The following AXDND1 variants were observed in gnomAD, a reference collection of about 807,000 sequenced individuals.
AXDND1 encodes axonemal dynein light chain domain containing 1.
Under a neutral mutation model 137.5 loss-of-function variants are expected in AXDND1, and 110 were observed. The observed-to-expected ratio is 0.80, with a 90% CI of 0.69 to 0.94. AXDND1 has a LOEUF of 0.94. AXDND1 is among the 40% of genes least tolerant of loss of function. The probability of loss-of-function intolerance (pLI) is 0.00; values close to 1 mark genes in which losing one functional copy is unlikely to be tolerated. For missense variants in AXDND1, 1,191 were observed against 1,169.8 expected, an observed-to-expected ratio of 1.02 and a Z score of -0.26; for synonymous variants, 414 against 399.7, an observed-to-expected ratio of 1.04 and a Z score of -0.43.
chr1:179,442,095 A>T (rs1330351199), intron 15 of AXDND1, among the ~76,000 whole-genome samples: 2 of 152,208 alleles, frequency 1.3e-5, no homozygotes, highest in African/African-American at 2.4e-5. Context: ...TTACGGAACT[A>T]GGAAAAGCAC....
chr1:179,544,686 A>AG (rs1553310379), intron 25 of AXDND1: 3 of 150,464 alleles, frequency 2.0e-5, no homozygotes, highest in African/African-American at 7.3e-5. Context: ...AAAAAAAAAA[A>AG]AAAGAAAAAG....
At position 179,411,089 on chromosome 1, in the gene AXDND1, A is replaced by C. The variant is rs930480124; in HGVS notation, c.1110-57A>C. On this transcript the variant is annotated intron_variant, in intron 11 of 25. Coordinates refer to ENST00000367618, the MANE Select transcript of AXDND1 (RefSeq NM_144696.6). Reference sequence around the variant, plus strand: ...AACAAATTTCTTTTTTAAAAAATATATGTGTCTATATTGTTAGTATAAATT... The same window carrying C: ...AACAAATTTCTTTTTTAAAAAATATCTGTGTCTATATTGTTAGTATAAATT... 7.5e-6 allele frequency: 10 copies of C among 1,336,710 alleles called. No individual in the cohort carries two copies. In the Admixed American group the frequency reaches 2.0e-4, roughly 27 times the overall value. The allele number at this position is 1,336,710 out of a possible 1,614,324, so 82.8% of individuals were successfully genotyped here.
intron 25 of AXDND1, among the ~76,000 whole-genome samples, chr1:179,537,999 T>A (rs1233008086): frequency 1.3e-5 from 2 of 152,240 alleles, no homozygotes; most frequent in African/African-American, 2.4e-5. Context: ...TATAGTATTG[T>A]CTGATGGTAG....
At chr1:179,488,651 CTTTCTTTCTTTCTTTCTTTCTTT>C (rs1666430037) in intron 18 of AXDND1, among the ~76,000 whole-genome samples, 1 of 107,838 alleles carries the variant, frequency 9.3e-6, no homozygotes, top group Admixed American at 9.8e-5. Flanking sequence ...TTCTTTCTTT[CTTTCTTTCTTTCTTTCTTTCTTT>C]CTTTCTTTCT....
intron 15 of AXDND1, among the ~76,000 whole-genome samples, chr1:179,442,962 A>T (rs6664339): frequency 2.0e-5 from 3 of 151,998 alleles, no homozygotes; most frequent in African/African-American, 7.3e-5. Context: ...ACAGCGCTCC[A>T]TATGTATTAG....
intron 21 of AXDND1, among the ~76,000 whole-genome samples, chr1:179,520,105 A>G (rs746126760): frequency 5.9e-5 from 9 of 151,984 alleles, no homozygotes; most frequent in Non-Finnish European, 1.3e-4. Context: ...TCACCTTCCT[A>G]GTTAGCTATA....
In AXDND1 at chr1:179,533,811, A is replaced by C. The variant is rs1197457357; in HGVS notation, c.2732A>C (p.Gln911Pro). The change falls in exon 24 of 26, where the codon CAA becomes CCA. Residue 911 changes from glutamine to proline, a missense_variant. By Grantham distance (76) the Gln-to-Pro change is moderately conservative (BLOSUM62 -1). Coordinates refer to ENST00000367618, the MANE Select transcript of AXDND1 (RefSeq NM_144696.6). ...VLSSWRESAKQGTLAQKYLEA... is the reference protein window; with the variant it reads ...VLSSWRESAKPGTLAQKYLEA... ...CTCTGTCAGAGAGAGTCAGCTAAGC[A>C]AGGTACATTGGCCCAAAAATATCTT... 1.2e-6 allele frequency: 2 copies of C among 1,612,830 alleles called. No homozygotes were observed. Among genetic ancestry groups the C allele is most frequent in the Non-Finnish European group, 1.7e-6 (2 of 1,179,044 alleles).
intron 11 of AXDND1, among the ~76,000 whole-genome samples, chr1:179,409,657 G>A (rs544996904): frequency 1.6e-4 from 24 of 152,176 alleles, no homozygotes; most frequent in East Asian, 1.4e-3. Context: ...TGAGGCGGGC[G>A]GATCACTTGA....
chr1:179,554,583 G>A lies in AXDND1; in HGVS notation c.*64G>A, dbSNP rs1250654684. 1 of 1,612,524 alleles carries A rather than the reference G, an allele frequency of 6.2e-7. No homozygotes were observed. The highest frequency in any genetic ancestry group is 8.5e-7 in the Non-Finnish European group (1 of 1,178,678). ...GTGGGAGCCTCCAGGTGGGAGGAGAGCATGCCTAAACCCTGGTGGCCATTG... is the reference window on the plus strand; with the variant it reads ...GTGGGAGCCTCCAGGTGGGAGGAGAACATGCCTAAACCCTGGTGGCCATTG... On this transcript the variant is annotated 3_prime_UTR_variant, in exon 26 of 26. Coordinates refer to ENST00000367618, the MANE Select transcript of AXDND1 (RefSeq NM_144696.6).
Position 179,398,038 on chromosome 1 carries a change from C to T in AXDND1, c.1109+2836C>T, listed in dbSNP as rs563388438. Among the ~76,000 whole-genome samples, 309 of 152,202 alleles carry T rather than the reference C, an allele frequency of 2.0e-3. 2 individuals are homozygous for T. The highest frequency in any genetic ancestry group is 6.9e-3 in the African/African-American group (285 of 41,518). ...CAGAACCCTTGCTGGAGAGGTGGTG[C>T]GATCATTTGGAGGAAAGAAGGCACT... On this transcript the variant is annotated intron_variant, in intron 11 of 25. Transcript: ENST00000367618.
At chr1:179,477,687 C>T (rs994529388) in intron 17 of AXDND1, among the ~76,000 whole-genome samples, 8 of 152,122 alleles carry the variant, frequency 5.3e-5, no homozygotes, top group Admixed American at 2.6e-4. Context: ...TTGCCCCTGG[C>T]CCCTCCCAAA....
At chr1:179,442,957 G>A (rs1447751348) in intron 15 of AXDND1, among the ~76,000 whole-genome samples, 5 of 152,152 alleles carry the variant, frequency 3.3e-5, no homozygotes, top group Non-Finnish European at 7.3e-5. Flanking sequence ...TTTACACAGC[G>A]CTCCATATGT....
At chr1:179,382,802 A>G (rs907520465) in intron 7 of AXDND1, 46 bp downstream of exon 7, 3 of 1,394,260 alleles carry the variant, frequency 2.2e-6, no homozygotes, top group South Asian at 2.5e-5. Flanking sequence ...AAGAATACCT[A>G]TATACATACA....
chr1:179,551,034 G>T, intron 25 of AXDND1: 1 of 958,960 alleles, frequency 1.0e-6, no homozygotes, highest in Non-Finnish European at 1.6e-6. Flanking sequence ...CATGGATGGT[G>T]CATTGTGACT....
At chr1:179,402,032 C>G (rs998703398) in intron 11 of AXDND1, among the ~76,000 whole-genome samples, 1 of 151,870 alleles carries the variant, frequency 6.6e-6, no homozygotes, top group Non-Finnish European at 1.5e-5. Flanking sequence ...ATTAACTGTG[C>G]GTGGTGGCAT....
intron 16 of AXDND1, chr1:179,453,831 TC>T (rs1660892465): frequency 1.4e-5 from 2 of 147,574 alleles, no homozygotes; most frequent in African/African-American, 5.0e-5. Context: ...AAATGGACTC[TC>T]CTGCTAGATT....
chr1:179,469,493 A>G (rs777128246), intron 17 of AXDND1, among the ~76,000 whole-genome samples: 2 of 152,126 alleles, frequency 1.3e-5, no homozygotes, highest in Non-Finnish European at 2.9e-5. Context: ...CTTTTTGTGG[A>G]CAAACATTTG....
At chr1:179,379,294 T>A in intron 5 of AXDND1, 103 bp from the exon 6 acceptor site, 1 of 1,302,090 alleles carries the variant, frequency 7.7e-7, no homozygotes, top group Non-Finnish European at 1.0e-6. Context: ...TTTTTCAACT[T>A]AAAAAATAGT....
At chr1:179,495,896 CTTT>C (rs34788199) in intron 20 of AXDND1, among the ~76,000 whole-genome samples, 2 of 116,432 alleles carry the variant, frequency 1.7e-5, no homozygotes, top group Admixed American at 8.9e-5. Context: ...GCTGAAAATT[CTTT>C]TTTTTTTTTT....
Sources: allele counts gnomAD v4.1 joint callset (sites outside exome capture counted in the v4.1 genomes callset), GRCh38; gene constraint gnomAD v4.1.1; transcripts MANE v1.5; gene names NCBI Gene and HGNC (gene_info 2026-07-23, HGNC 2026-07-21).